Variants in ADGRA3 observed in about 807,000 individuals in gnomAD.
The protein encoded by ADGRA3 is adhesion G protein-coupled receptor A3.
A neutral mutation model predicts 119.8 loss-of-function variants in ADGRA3; 56 were observed. The ratio of observed to expected loss-of-function variants is 0.47; its 90% confidence interval spans 0.38 to 0.58. The LOEUF is 0.58. ADGRA3 is among the 20% of genes least tolerant of loss of function. The probability of loss-of-function intolerance (pLI) is 0.00; values close to 1 mark genes in which losing one functional copy is unlikely to be tolerated. For synonymous variants in ADGRA3, 607 were observed against 623.8 expected (o/e 0.97, Z 0.40); for missense variants, 1,516 against 1,649.0 (o/e 0.92, Z 1.40).
chr4:22,481,717 G>A (rs1331439784), intron 1 of ADGRA3, among the ~76,000 whole-genome samples: 1 of 152,168 alleles, frequency 6.6e-6, no homozygotes, highest in East Asian at 1.9e-4. Context: ...AAATATTGAG[G>A]ATGTGCTAGG....
At chr4:22,493,464 A>G (rs1718700529) in intron 1 of ADGRA3, among the ~76,000 whole-genome samples, 1 of 152,168 alleles carries the variant, frequency 6.6e-6, no homozygotes, top group South Asian at 2.1e-4. Context: ...TTTGTTAGAC[A>G]AAAAATAATA....
At chr4:22,468,020 G>T (rs1319773734) in intron 2 of ADGRA3, among the ~76,000 whole-genome samples, 2 of 152,186 alleles carry the variant, frequency 1.3e-5, no homozygotes, top group Non-Finnish European at 2.9e-5. Flanking sequence ...AATCACAAAA[G>T]TAATTATCTG....
intron 1 of ADGRA3, among the ~76,000 whole-genome samples, chr4:22,511,765 A>G (rs1358070948): frequency 6.6e-6 from 1 of 152,074 alleles, no homozygotes; most frequent in Non-Finnish European, 1.5e-5. Flanking sequence ...GGTAACACCA[A>G]CTGCACAGCA....
intron 10 of ADGRA3, among the ~76,000 whole-genome samples, chr4:22,425,949 T>A (rs1262214669): frequency 6.6e-6 from 1 of 152,202 alleles, no homozygotes; most frequent in Non-Finnish European, 1.5e-5. Context: ...ACACTTCACC[T>A]CTTGGTATCT....
chr4:22,444,317 C>A (rs1175639397), intron 6 of ADGRA3, among the ~76,000 whole-genome samples: 1 of 151,932 alleles, frequency 6.6e-6, no homozygotes, highest in African/African-American at 2.4e-5. Flanking sequence ...TGGAGTTTCA[C>A]TTTTGTCACC....
Position 22,424,454 on chromosome 4 carries a change from A to C in ADGRA3, c.1444-102T>G, listed in dbSNP as rs1483147892. 5 of 1,282,374 alleles carry C rather than the reference A, an allele frequency of 3.9e-6. No individual in the cohort carries two copies. The African/African-American group carries it at 7.4e-5, about 19-fold the overall frequency. The allele number at this position is 1,282,374 out of a possible 1,614,324, so 79.4% of individuals were successfully genotyped here. On this transcript the variant is annotated intron_variant, in intron 10 of 18. Coordinates refer to ENST00000334304, the MANE Select transcript of ADGRA3 (RefSeq NM_145290.4). The stretch of plus-strand genomic sequence containing the variant: ...GACAGTGAGATTGGCCTTCAGTCTC[A>C]AATTCCACATGAGAACCCAACAGGC...
intron 2 of ADGRA3, 145 bp from the exon 3 acceptor site, chr4:22,461,953 C>T (rs1717477849): frequency 2.2e-6 from 1 of 463,684 alleles, no homozygotes; most frequent in South Asian, 5.2e-5. Flanking sequence ...CCAAGATCAA[C>T]CCAGTAGTAA....
chr4:22,495,790 T>C (rs1242751087), intron 1 of ADGRA3, among the ~76,000 whole-genome samples: 1 of 151,862 alleles, frequency 6.6e-6, no homozygotes, highest in Non-Finnish European at 1.5e-5. Flanking sequence ...GCACCTGTAG[T>C]CCCAGCTACT....
chr4:22,411,962 A>C (rs79142688), intron 14 of ADGRA3, among the ~76,000 whole-genome samples: 4,698 of 152,166 alleles, frequency 0.031, 252 homozygotes, highest in African/African-American at 0.11. Flanking sequence ...ACAACAACAA[A>C]AAAAAACATA....
intron 10 of ADGRA3, among the ~76,000 whole-genome samples, chr4:22,432,619 A>T (rs1192377606): frequency 6.6e-6 from 1 of 152,176 alleles, no homozygotes; most frequent in Non-Finnish European, 1.5e-5. Flanking sequence ...TTTATATTTA[A>T]CTTTCCCATC....
At chr4:22,491,734 A>G (rs879735042) in intron 1 of ADGRA3, among the ~76,000 whole-genome samples, 14 of 151,650 alleles carry the variant, frequency 9.2e-5, no homozygotes, top group Non-Finnish European at 1.8e-4. Context: ...TCAGCTATAA[A>G]CCTCCACTTG....
chr4:22,467,537 GAGTT>G (rs1577366191), intron 2 of ADGRA3, among the ~76,000 whole-genome samples: 3 of 152,156 alleles, frequency 2.0e-5, no homozygotes, highest in East Asian at 3.9e-4. Flanking sequence ...AACAGGAACT[GAGTT>G]AGTTAGCTAA....
intron 7 of ADGRA3, 34 bp from the exon 8 acceptor site, chr4:22,438,454 T>C (rs1291593942): frequency 6.4e-7 from 1 of 1,563,992 alleles, no homozygotes; most frequent in Middle Eastern, 1.8e-4. Context: ...AGAGAGAAAA[T>C]ATAATTAGGC....
rs547196528 is a variant in ADGRA3 at position 22,388,974 on chromosome 4, C to T, written c.2724-27G>A. 16 of 1,609,996 alleles carry T rather than the reference C, an allele frequency of 9.9e-6. No homozygotes were observed. In the East Asian group the frequency reaches 3.1e-4, roughly 31 times the overall value. ...TGGAAAAGAAAATGGTAAACCAGATCGATGCTACATGTTTCAACAAATTAT... is the reference window on the plus strand; with the variant it reads ...TGGAAAAGAAAATGGTAAACCAGATTGATGCTACATGTTTCAACAAATTAT... On this transcript the variant is annotated intron_variant, in intron 18 of 18. Transcript: ENST00000334304.
intron 4 of ADGRA3, among the ~76,000 whole-genome samples, chr4:22,453,054 T>C (rs1577357862): frequency 6.6e-6 from 1 of 150,740 alleles, no homozygotes; most frequent in South Asian, 2.1e-4. Flanking sequence ...AAAAAAAAAT[T>C]AGCCGGGCGT....
chr4:22,499,793 A>T (rs1718985162), intron 1 of ADGRA3, among the ~76,000 whole-genome samples: 2 of 152,216 alleles, frequency 1.3e-5, no homozygotes, highest in Admixed American at 1.3e-4. Context: ...CCACTTAATG[A>T]GAGTAAAATG....
At chr4:22,439,060 C>G (rs1716510303) in intron 7 of ADGRA3, among the ~76,000 whole-genome samples, 1 of 152,166 alleles carries the variant, frequency 6.6e-6, no homozygotes, top group Non-Finnish European at 1.5e-5. Context: ...GTCGTACATT[C>G]TTTAGCAAAA....
rs1218545395 is a variant in ADGRA3 at position 22,473,772 on chromosome 4, A to G, written c.329T>C (p.Leu110Ser). The part of the protein sequence containing the change: ...SFSGLSLLER[L>S]DLRNNLISSI... The stretch of plus-strand genomic sequence containing the variant: ...GAGATGATAATTAAAGAATACTCAC[A>G]ATCTTTCAAGGAGACTTAACCCAGA... Residue 110 changes from leucine to serine, a missense_variant and splice_region_variant, in exon 2 of 19, where the codon TTG (leucine) becomes TCG (serine). Around this residue, in one of 2 missense-constraint regions of ADGRA3, gnomAD observed 428 missense variants for 541.9 expected, o/e 0.79. Transcript: ENST00000334304. 2.6e-6 allele frequency: 4 copies of G among 1,563,864 alleles called. No individual in the cohort carries two copies. Among genetic ancestry groups the G allele is most frequent in the Non-Finnish European group, 1.8e-6 (2 of 1,141,896 alleles).
chr4:22,444,895 T>C (rs1037475512), intron 6 of ADGRA3, 78 bp downstream of exon 6: 5 of 1,407,468 alleles, frequency 3.6e-6, no homozygotes, highest in Non-Finnish European at 4.0e-6. Flanking sequence ...ATAAAGAGAA[T>C]CTTACAATTT....
Sources: gnomAD v4.1 joint callset for allele counts (sites outside exome capture counted in the v4.1 genomes callset) on GRCh38, gnomAD v4.1.1 for gene constraint, gnomAD v4.1.1 regional missense constraint, MANE v1.5 for transcripts, NCBI Gene and HGNC (gene_info 2026-07-23, HGNC 2026-07-21) for gene names.